Variants in PRICKLE1 observed in about 807,000 individuals in gnomAD.
The protein encoded by PRICKLE1 is prickle planar cell polarity protein 1.
A neutral mutation model predicts 70.2 loss-of-function variants in PRICKLE1; 14 were observed. The observed-to-expected ratio is 0.20, with a 90% CI of 0.13 to 0.31. The LOEUF (loss-of-function observed/expected upper bound fraction) is 0.31, where lower values mean the gene tolerates loss of function less well. Among genes scored for constraint, PRICKLE1 ranks in the 10% least tolerant of loss-of-function variants. The pLI, the probability that PRICKLE1 is intolerant of heterozygous loss-of-function variation, is 1.00. For synonymous variants in PRICKLE1, 357 were observed against 379.9 expected (o/e 0.94, Z 0.70); for missense variants, 821 against 1,026.2 (o/e 0.80, Z 2.73).
intron 1 of PRICKLE1, among the ~76,000 whole-genome samples, chr12:42,522,949 G>A (rs1042275351): frequency 6.1e-5 from 9 of 147,962 alleles, no homozygotes; most frequent in Admixed American, 5.6e-4. Flanking sequence ...TAGTTGAAAG[G>A]TGATTCTAAC....
intron 1 of PRICKLE1, among the ~76,000 whole-genome samples, chr12:42,529,285 A>G (rs1939866109): frequency 6.6e-6 from 1 of 152,244 alleles, no homozygotes; most frequent in Admixed American, 6.5e-5. Context: ...ACCACTGTAT[A>G]GCAATCCTGC....
chr12:42,579,305 G>T (rs1292212060), intron 1 of PRICKLE1, among the ~76,000 whole-genome samples: 1 of 152,194 alleles, frequency 6.6e-6, no homozygotes, highest in African/African-American at 2.4e-5. Flanking sequence ...GACCTGAAGG[G>T]ACAGAGTGAG....
chr12:42,497,271 C>T lies in PRICKLE1; in HGVS notation c.-48-24707G>A, dbSNP rs78511437. On this transcript the variant is annotated intron_variant, in intron 1 of 7. Coordinates refer to ENST00000345127, the MANE Select transcript of PRICKLE1 (RefSeq NM_153026.3). ...CACAAAACATTTATCGATGGCCGGG[C>T]GTGGTGGCTCACGCCTGTAATTCCA... Among the ~76,000 whole-genome samples, 45 of 152,244 alleles carry T rather than the reference C, an allele frequency of 3.0e-4. No homozygotes were observed. In the East Asian group the frequency reaches 6.9e-3, roughly 24 times the overall value.
chr12:42,584,031 A>C (rs1940946833), intron 1 of PRICKLE1, among the ~76,000 whole-genome samples: 1 of 152,064 alleles, frequency 6.6e-6, no homozygotes, highest in South Asian at 2.1e-4. Context: ...GATTTAAACC[A>C]CCAGTTTTAA....
chr12:42,527,783 A>G (rs1182681345), intron 1 of PRICKLE1, among the ~76,000 whole-genome samples: 1 of 151,906 alleles, frequency 6.6e-6, no homozygotes, highest in African/African-American at 2.4e-5. Context: ...TAAAAGAAAA[A>G]AAATTCTTTA....
chr12:42,533,144 G>GA (rs1186192503), intron 1 of PRICKLE1, among the ~76,000 whole-genome samples: 1 of 149,458 alleles, frequency 6.7e-6, no homozygotes, highest in African/African-American at 2.5e-5. Context: ...ATGAATAAGA[G>GA]AAAAAAACCT....
intron 1 of PRICKLE1, among the ~76,000 whole-genome samples, chr12:42,488,686 C>T (rs1318245737): frequency 6.6e-6 from 1 of 151,942 alleles, no homozygotes; most frequent in East Asian, 1.9e-4. Flanking sequence ...GCAACATATC[C>T]AACATTTATT....
rs546618160 is a variant in PRICKLE1 at position 42,506,638 on chromosome 12, C to T, written c.-48-34074G>A. 6.7e-4 allele frequency among the ~76,000 whole-genome samples: 87 copies of T among 129,530 alleles called. 1 individual carries two copies. In the South Asian group the frequency reaches 0.021, roughly 31 times the overall value. The allele number at this position is 129,530 out of a possible 152,430, so 85.0% of individuals were successfully genotyped here. ...TCGCCCAGGCTGGAGTGCAGTGGCA[C>T]GATCTTGGCTCACTGCAATCTCTGC... On this transcript the variant is annotated intron_variant, in intron 1 of 7. Transcript: ENST00000345127.
rs1373571331 is a variant in PRICKLE1, at chr12:42,457,731, C to T, written c.*2078G>A. The T allele has an allele frequency of 1.3e-5, 2 of 152,164 alleles. No individual in the cohort carries two copies. The highest frequency in any genetic ancestry group is 2.4e-5 in the African/African-American group (1 of 41,424). The allele number at this position is 152,164 out of a possible 1,614,324, so 9.4% of individuals were successfully genotyped here. A position where few individuals can be genotyped will look rare whatever the true frequency, so the allele number is the denominator to read the frequency against. ...CCTATATGCACTAACGTGAAATGTCCACATACAAAGGGAAAAAAGCATGTC... is the reference window on the plus strand; with the variant it reads ...CCTATATGCACTAACGTGAAATGTCTACATACAAAGGGAAAAAAGCATGTC... On this transcript the variant is annotated 3_prime_UTR_variant, in exon 8 of 8. Transcript: ENST00000345127.
At chr12:42,568,071 T>C (rs1940651780) in intron 1 of PRICKLE1, among the ~76,000 whole-genome samples, 1 of 152,232 alleles carries the variant, frequency 6.6e-6, no homozygotes, top group South Asian at 2.1e-4. Flanking sequence ...GAAAGTAAAT[T>C]AACATATAAA....
chr12:42,555,100 C>T (rs547120744), intron 1 of PRICKLE1, among the ~76,000 whole-genome samples: 1 of 151,960 alleles, frequency 6.6e-6, no homozygotes, highest in African/African-American at 2.4e-5. Flanking sequence ...GTCAGGAGCT[C>T]GAGACCAGAC....
At chr12:42,516,087 T>C (rs1192200931) in intron 1 of PRICKLE1, among the ~76,000 whole-genome samples, 1 of 152,240 alleles carries the variant, frequency 6.6e-6, no homozygotes, top group Non-Finnish European at 1.5e-5. Context: ...GGCAATTTCC[T>C]ATACTGTAGC....
At chr12:42,465,674 G>T in intron 6 of PRICKLE1, 1 of 270,782 alleles carries the variant, frequency 3.7e-6, no homozygotes, top group Non-Finnish European at 7.0e-6. Flanking sequence ...GCCCCCAAGT[G>T]TAATGCTGAT....
intron 1 of PRICKLE1, among the ~76,000 whole-genome samples, chr12:42,517,836 G>T (rs777161411): frequency 6.6e-6 from 1 of 151,980 alleles, no homozygotes; most frequent in African/African-American, 2.4e-5. Flanking sequence ...AAAAGTGGGG[G>T]TATTTCCTTT....
At chr12:42,495,674 C>T (rs1193694911) in intron 1 of PRICKLE1, among the ~76,000 whole-genome samples, 3 of 152,070 alleles carry the variant, frequency 2.0e-5, no homozygotes, top group South Asian at 2.1e-4. Flanking sequence ...CTGCAACCTC[C>T]GCCTCCCGGG....
chr12:42,578,743 T>TTTTATTTGTTTA (rs1940845399), intron 1 of PRICKLE1, among the ~76,000 whole-genome samples: 1 of 146,184 alleles, frequency 6.8e-6, no homozygotes, highest in Non-Finnish European at 1.5e-5. Context: ...GTTTATTTCA[T>TTTTATTTGTTTA]TTTATTTATT....
At position 42,519,193 on chromosome 12, in the gene PRICKLE1, C is replaced by CTTTTTTTTT. The variant is rs11342397; in HGVS notation, c.-48-46638_-48-46630dup. Among the ~76,000 whole-genome samples, 304 of 99,192 alleles carry CTTTTTTTTT rather than the reference C, an allele frequency of 3.1e-3. 6 individuals are homozygous for CTTTTTTTTT. Among genetic ancestry groups the CTTTTTTTTT allele is most frequent in the Non-Finnish European group, 4.4e-3 (229 of 52,594 alleles). The allele number at this position is 99,192 out of a possible 152,430, so 65.1% of individuals were successfully genotyped here. A position where few individuals can be genotyped will look rare whatever the true frequency, so the allele number is the denominator to read the frequency against. On this transcript the variant is annotated intron_variant, in intron 1 of 7. Coordinates refer to ENST00000345127, the MANE Select transcript of PRICKLE1 (RefSeq NM_153026.3). ...TACTGAATTTCCTTTCCTTTTTTTC[C>CTTTTTTTTT]TTTTTTTTTTTTTTTTTTTTGAGAT...
intron 1 of PRICKLE1, among the ~76,000 whole-genome samples, chr12:42,495,474 C>T (rs1041111723): frequency 1.3e-5 from 2 of 152,000 alleles, no homozygotes; most frequent in African/African-American, 4.8e-5. Flanking sequence ...TGGCCTGAGC[C>T]TCTCACCTCA....
At position 42,499,133 on chromosome 12, in the gene PRICKLE1, T is replaced by C. The variant is rs561799848; in HGVS notation, c.-48-26569A>G. 1.2e-4 allele frequency among the ~76,000 whole-genome samples: 18 copies of C among 152,248 alleles called. No homozygotes were observed. The East Asian group carries it at 3.5e-3, about 29-fold the overall frequency. On this transcript the variant is annotated intron_variant, in intron 1 of 7. Coordinates refer to ENST00000345127, the MANE Select transcript of PRICKLE1 (RefSeq NM_153026.3). ...CCTGCTATAACTTATGGAGTACTCATATGCTAGGCATTGTACTAAATCATG... is the reference window on the plus strand; with the variant it reads ...CCTGCTATAACTTATGGAGTACTCACATGCTAGGCATTGTACTAAATCATG...
Sources: allele counts gnomAD v4.1 joint callset (sites outside exome capture counted in the v4.1 genomes callset), GRCh38; gene constraint gnomAD v4.1.1; transcripts MANE v1.5; gene names NCBI Gene and HGNC (gene_info 2026-07-23, HGNC 2026-07-21).